Variants in EPHA3 observed in about 807,000 individuals in gnomAD.
EPHA3 encodes the protein EPH receptor A3.
A neutral mutation model predicts 107.1 loss-of-function variants in EPHA3; 42 were observed. The observed-to-expected ratio is 0.39, with a 90% CI of 0.31 to 0.51. The LOEUF is 0.51. Among genes scored for constraint, EPHA3 ranks in the 20% least tolerant of loss-of-function variants. EPHA3 has a pLI of 0.78. For missense variants in EPHA3, 1,183 were observed against 1,211.2 expected (o/e 0.98, Z 0.35); for synonymous variants, 461 against 424.8 (o/e 1.09, Z -1.05).
rs544413430 is a variant in EPHA3 at position 89,146,903 on chromosome 3, C to T, written c.153+19630C>T. Among the ~76,000 whole-genome samples, 41 of 151,918 alleles carry T rather than the reference C, an allele frequency of 2.7e-4. No homozygotes were observed. The South Asian group carries it at 6.7e-3, about 25-fold the overall frequency. On this transcript the variant is annotated intron_variant, in intron 2 of 16. Transcript: ENST00000336596. ...AACAACACACATATGTTTATTGCAG[C>T]ACTATTTACAATAGAAAAACTTGGA... is the stretch of plus-strand genomic sequence containing the variant.
chr3:89,121,259 T>TAAAA (rs1340691900), intron 1 of EPHA3, among the ~76,000 whole-genome samples: 5 of 150,938 alleles, frequency 3.3e-5, no homozygotes, highest in Admixed American at 1.3e-4. Context: ...AATAAATAAA[T>TAAAA]AAAATAAATT....
intron 13 of EPHA3, among the ~76,000 whole-genome samples, chr3:89,437,916 T>C (rs1183452397): frequency 6.6e-6 from 1 of 151,940 alleles, no homozygotes; most frequent in African/African-American, 2.4e-5. Context: ...ATATTCTCCA[T>C]TATTCGATTT....
chr3:89,138,224 T>C (rs77609548), intron 2 of EPHA3, among the ~76,000 whole-genome samples: 2 of 151,880 alleles, frequency 1.3e-5, no homozygotes, highest in Non-Finnish European at 1.5e-5. Flanking sequence ...AAGACGCGTT[T>C]CCCTGGCAAC....
intron 3 of EPHA3, among the ~76,000 whole-genome samples, chr3:89,313,091 G>T (rs1317990104): frequency 6.6e-6 from 1 of 151,760 alleles, no homozygotes; most frequent in South Asian, 2.1e-4. Flanking sequence ...ATTCCTTTGG[G>T]TATATACCCA....
intron 3 of EPHA3, among the ~76,000 whole-genome samples, chr3:89,332,781 A>C (rs1289201280): frequency 6.6e-6 from 1 of 152,192 alleles, no homozygotes; most frequent in Non-Finnish European, 1.5e-5. Flanking sequence ...GGGAATTGCT[A>C]ATATAGCCCT....
chr3:89,136,987 T>G (rs1704328037), intron 2 of EPHA3, among the ~76,000 whole-genome samples: 1 of 151,934 alleles, frequency 6.6e-6, no homozygotes, highest in Non-Finnish European at 1.5e-5. Flanking sequence ...CAACTTCAAA[T>G]TAGCATATTT....
rs576150966 is a variant in EPHA3 at position 89,460,769 on chromosome 3, A to G, written c.2690+10399A>G. Among the ~76,000 whole-genome samples the G allele has an allele frequency of 2.8e-5, 4 of 145,282 alleles. No individual in the cohort carries two copies. In the East Asian group the frequency reaches 7.9e-4, roughly 29 times the overall value. Reference sequence around the variant, plus strand: ...TGCTCAGTGAATAAATATGATACAGAACCTTTTAGAGGGAATCGAATATGC... The same window carrying G: ...TGCTCAGTGAATAAATATGATACAGGACCTTTTAGAGGGAATCGAATATGC... On this transcript the variant is annotated intron_variant, in intron 15 of 16. Transcript: ENST00000336596.
chr3:89,160,172 T>A lies in EPHA3; in HGVS notation c.153+32899T>A, dbSNP rs183681054. On this transcript the variant is annotated intron_variant, in intron 2 of 16. Coordinates refer to ENST00000336596, the MANE Select transcript of EPHA3 (RefSeq NM_005233.6). ...GCAAATGCTGTAAATGAACATAATA[T>A]ATAATATATTAGAAATCAATAATGT... 2.0e-4 allele frequency among the ~76,000 whole-genome samples: 30 copies of A among 152,152 alleles called. No homozygotes were observed. The East Asian group carries it at 5.8e-3, about 29-fold the overall frequency.
rs563248424 is a variant in EPHA3 at position 89,215,876 on chromosome 3, C to T, written c.814+5356C>T. On this transcript the variant is annotated intron_variant, in intron 3 of 16. Coordinates refer to ENST00000336596, the MANE Select transcript of EPHA3 (RefSeq NM_005233.6). Reference sequence around the variant, plus strand: ...GCATTTCACTCTACTTAATCCCAACCTAAAAGATGATTTTATAGGTCATTA... The same window carrying T: ...GCATTTCACTCTACTTAATCCCAACTTAAAAGATGATTTTATAGGTCATTA... 3.3e-5 allele frequency among the ~76,000 whole-genome samples: 5 copies of T among 151,908 alleles called. No homozygotes were observed. The South Asian group carries it at 1.0e-3, about 31-fold the overall frequency.
chr3:89,272,872 G>C (rs1215789376), intron 3 of EPHA3, among the ~76,000 whole-genome samples: 1 of 151,860 alleles, frequency 6.6e-6, no homozygotes, highest in African/African-American at 2.4e-5. Flanking sequence ...TCTGGGAGGT[G>C]CTTAATAGAA....
intron 3 of EPHA3, among the ~76,000 whole-genome samples, chr3:89,330,468 T>C (rs1205894376): frequency 6.6e-6 from 1 of 152,082 alleles, no homozygotes; most frequent in Non-Finnish European, 1.5e-5. Flanking sequence ...TAAGTCATAG[T>C]AATAAATTTC....
chr3:89,396,916 T>A (rs1363696682), intron 6 of EPHA3, among the ~76,000 whole-genome samples: 47 of 152,186 alleles, frequency 3.1e-4, no homozygotes, highest in Non-Finnish European at 3.2e-4. Context: ...GAGAGTGATG[T>A]TATATGAATT....
chr3:89,221,189 G>A (rs576058554), intron 3 of EPHA3, among the ~76,000 whole-genome samples: 5 of 152,336 alleles, frequency 3.3e-5, no homozygotes, highest in Admixed American at 1.3e-4. Flanking sequence ...GAAGCGCAGA[G>A]TATGTTTACT....
chr3:89,469,085 ATC>A (rs1323053301), intron 15 of EPHA3, among the ~76,000 whole-genome samples: 4 of 152,154 alleles, frequency 2.6e-5, no homozygotes, highest in African/African-American at 9.7e-5. Context: ...TTTTTAGATA[ATC>A]TCTGAGAGTT....
At chr3:89,195,053 A>G (rs754890144) in intron 2 of EPHA3, among the ~76,000 whole-genome samples, 5 of 152,030 alleles carry the variant, frequency 3.3e-5, no homozygotes, top group African/African-American at 9.7e-5. Flanking sequence ...TTTTTTAAAC[A>G]TAAGATTTCT....
intron 5 of EPHA3, among the ~76,000 whole-genome samples, chr3:89,387,361 T>C (rs1207186031): frequency 6.6e-6 from 1 of 152,126 alleles, no homozygotes; most frequent in African/African-American, 2.4e-5. Context: ...TGTAAGGGCT[T>C]CCCTGCCACT....
At chr3:89,460,122 T>A (rs968632697) in intron 15 of EPHA3, among the ~76,000 whole-genome samples, 3 of 152,166 alleles carry the variant, frequency 2.0e-5, no homozygotes, top group African/African-American at 7.2e-5. Flanking sequence ...TTTGAAGATA[T>A]GAGATTTTTA....
intron 3 of EPHA3, among the ~76,000 whole-genome samples, chr3:89,225,734 T>C (rs943478969): frequency 2.6e-5 from 4 of 152,106 alleles, no homozygotes; most frequent in African/African-American, 4.8e-5. Flanking sequence ...TTTAATATGC[T>C]GAGTAATTTG....
At chr3:89,198,283 G>A (rs1705893467) in intron 2 of EPHA3, among the ~76,000 whole-genome samples, 1 of 152,074 alleles carries the variant, frequency 6.6e-6, no homozygotes, top group African/African-American at 2.4e-5. Flanking sequence ...CTTCCCAAGT[G>A]GCAAACACAG....
Sources: gnomAD v4.1 joint callset for allele counts (sites outside exome capture counted in the v4.1 genomes callset) on GRCh38, gnomAD v4.1.1 for gene constraint, MANE v1.5 for transcripts, NCBI Gene and HGNC (gene_info 2026-07-23, HGNC 2026-07-21) for gene names.